Variants in ADPRS observed in about 807,000 individuals in gnomAD.
ADPRS encodes ADP-ribosylserine hydrolase.
ADPRS carries 25 observed loss-of-function variants against 32.1 expected under a neutral mutation model. The ratio of observed to expected loss-of-function variants is 0.78; its 90% CI spans 0.57 to 1.09. The LOEUF is 1.09. Ranked by LOEUF, ADPRS falls within the 50% of genes least tolerant of loss-of-function variation. The pLI is 0.00. For synonymous variants in ADPRS, 225 were observed against 201.0 expected (o/e 1.12, Z -1.01); for missense variants, 482 against 480.6 (o/e 1.00, Z -0.03).
Position 36,088,991 on chromosome 1 carries a change from C to T in ADPRS, c.87C>T (p.Gly29=), listed in dbSNP as rs924912357. The change falls in exon 1 of 6, where the codon GGC becomes GGT. Residue 29 remains glycine (G), a synonymous_variant. Coordinates refer to ENST00000373178, the MANE Select transcript of ADPRS (RefSeq NM_017825.3). ...SLSRFRGCLA[G]ALLGDCVGSF... is the part of the protein sequence containing the mutation. ...CGCGCTTCCGAGGCTGCCTGGCTGG[C>T]GCGCTGCTCGGGGACTGCGTGGGCT... 8 of 1,483,362 alleles carry T rather than the reference C, an allele frequency of 5.4e-6. No homozygotes were observed. The African/African-American group carries it at 7.4e-5, about 14-fold the overall frequency. The allele number at this position is 1,483,362 out of a possible 1,614,324, so 91.9% of individuals were successfully genotyped here.
Position 36,092,146 on chromosome 1 carries a change from G to C in ADPRS, c.701+52G>C, listed in dbSNP as rs568872693. The stretch of plus-strand genomic sequence containing the variant: ...TGTGGGTATGTGGGTGATCCAGGGG[G>C]CCTCTGGCATTGCCGCAAACTGTAA... On this transcript the variant is annotated intron_variant, in intron 4 of 5. Transcript: ENST00000373178. 4 of 1,541,850 alleles carry C rather than the reference G, an allele frequency of 2.6e-6. No homozygotes were observed. The Admixed American group carries it at 6.0e-5, about 23-fold the overall frequency.
rs1239062219 is a variant in ADPRS, at chr1:36,091,945, C to T, written c.552C>T (p.Ser184=). Residue 184 remains serine (S), a synonymous_variant, in exon 4 of 6, where the codon TCC becomes TCT. Transcript: ENST00000373178. ...ARLSAQLTHA[S]SLGYNGAILQ... Reference sequence around the variant, plus strand: ...TCTCGGCCCAGCTGACACACGCCTCCTCCCTGGGTTACAATGGCGCCATCC... The same window carrying T: ...TCTCGGCCCAGCTGACACACGCCTCTTCCCTGGGTTACAATGGCGCCATCC... 1.2e-6 allele frequency: 2 copies of T among 1,611,220 alleles called. No homozygotes were observed. The highest frequency in any genetic ancestry group is 3.3e-5 in the Admixed American group (2 of 59,814).
At chr1:36,091,484 ACAG>A (rs1252408009) in intron 2 of ADPRS, 131 bp from the exon 3 acceptor site, 30 of 1,197,266 alleles carry the variant, frequency 2.5e-5, no homozygotes, top group Middle Eastern at 2.3e-4. Context: ...CCAAGCTAAA[ACAG>A]CAGCACTGCT....
rs750048109 is a variant in ADPRS, at chr1:36,093,357, A to G, written c.1063A>G (p.Ser355Gly). The change falls in exon 6 of 6, where the codon AGC (serine) becomes GGC (glycine). Residue 355 changes from serine to glycine, a missense_variant. Coordinates refer to ENST00000373178, the MANE Select transcript of ADPRS (RefSeq NM_017825.3). ...CGAGGAGACAGACATCCTGGCCCAAAGCCTGCACCGTGTCTTCCAGAAGAG... is the reference window on the plus strand; with the variant it reads ...CGAGGAGACAGACATCCTGGCCCAAGGCCTGCACCGTGTCTTCCAGAAGAG... ...GYEETDILAQ[S>G]LHRVFQKS 6.2e-6 allele frequency: 10 copies of G among 1,614,078 alleles called. No individual in the cohort carries two copies. In the South Asian group the frequency reaches 9.9e-5, roughly 16 times the overall value.
At chr1:36,091,857 C>G (rs1276755902) in intron 3 of ADPRS, 32 bp downstream of exon 3, 1 of 1,586,212 alleles carries the variant, frequency 6.3e-7, no homozygotes, top group South Asian at 1.1e-5. Flanking sequence ...CTGGGCTGTC[C>G]CCTTCCTCTT....
At chr1:36,092,860 G>A (rs186118089) in intron 5 of ADPRS, among the ~76,000 whole-genome samples, 12 of 152,338 alleles carry the variant, frequency 7.9e-5, no homozygotes, top group African/African-American at 2.4e-4. Flanking sequence ...AGTTGCTAAC[G>A]TTACTCCCTG....
chr1:36,091,334 C>T lies in ADPRS; in HGVS notation c.302C>T (p.Ala101Val). The change falls in exon 2 of 6, where the codon GCT becomes GTT. Residue 101 changes from alanine to valine, a missense_variant. Physicochemically the swap from Ala to Val is moderately conservative, Grantham distance 64. Coordinates refer to ENST00000373178, the MANE Select transcript of ADPRS (RefSeq NM_017825.3). ...AKEAFDEVDM[A>V]HRFAQEYKKD... ...GAGGCCTTTGACGAGGTGGACATGGCTCACAGGTGAGGGGGATGGTCCTGG... is the reference window on the plus strand; with the variant it reads ...GAGGCCTTTGACGAGGTGGACATGGTTCACAGGTGAGGGGGATGGTCCTGG... 1 of 1,614,044 alleles carries T rather than the reference C, an allele frequency of 6.2e-7. No individual in the cohort carries two copies. The highest frequency in any genetic ancestry group is 2.2e-5 in the East Asian group (1 of 44,890).
In ADPRS at chr1:36,092,447, T is replaced by C. The variant is rs747763140; in HGVS notation, c.727T>C (p.Ser243Pro). Residue 243 changes from serine to proline, a missense_variant, in exon 5 of 6, where the codon TCC becomes CCC. Transcript: ENST00000373178. ...GTTGGGCATGGAGGAGCGTCCATACTCCAGCCGCCTGAAGAAGATTGGAGA... is the reference window on the plus strand; with the variant it reads ...GTTGGGCATGGAGGAGCGTCCATACCCCAGCCGCCTGAAGAAGATTGGAGA... ...RELGMEERPY[S>P]SRLKKIGELL... 17 of 1,613,994 alleles carry C rather than the reference T, an allele frequency of 1.1e-5. No individual in the cohort carries two copies. Among genetic ancestry groups the C allele is most frequent in the Non-Finnish European group, 1.4e-5 (16 of 1,180,018 alleles).
In ADPRS at chr1:36,089,102, G is replaced by T; in HGVS notation, c.198G>T (p.Gly66=). ...TGGAGCCGGACCCCGGCACGCCCGG[G>T]AGTGAGCGGACAGGTGGGCGGGGCC... ...QSLEPDPGTP[G]SERTEALYYT... The change falls in exon 1 of 6, where the codon GGG becomes GGT. Residue 66 remains glycine (G), a synonymous_variant. Transcript: ENST00000373178. The T allele has an allele frequency of 7.0e-7, 1 of 1,424,240 alleles. No individual in the cohort carries two copies. The highest frequency in any genetic ancestry group is 1.5e-5 in the South Asian group (1 of 64,714). The allele number at this position is 1,424,240 out of a possible 1,614,324, so 88.2% of individuals were successfully genotyped here. A position where few individuals can be genotyped will look rare whatever the true frequency, so the allele number is the denominator to read the frequency against.
At position 36,088,935 on chromosome 1, in the gene ADPRS, G is replaced by A. The variant is rs770204381; in HGVS notation, c.31G>A (p.Gly11Ser). Residue 11 changes from glycine to serine, a missense_variant, in exon 1 of 6, where the codon GGT (glycine) becomes AGT (serine). Coordinates refer to ENST00000373178, the MANE Select transcript of ADPRS (RefSeq NM_017825.3). Reference sequence around the variant, plus strand: ...CGCAGCGGCGATGGCGGCAGCGGCAGGTGGAGGGGCTGGCGCGGCCCGCTC... The same window carrying A: ...CGCAGCGGCGATGGCGGCAGCGGCAAGTGGAGGGGCTGGCGCGGCCCGCTC... MAAAAMAAAA[G>S]GGAGAARSLS... 2.0e-6 allele frequency: 3 copies of A among 1,525,164 alleles called. No homozygotes were observed. Among genetic ancestry groups the A allele is most frequent in the Non-Finnish European group, 2.6e-6 (3 of 1,141,316 alleles). The allele number at this position is 1,525,164 out of a possible 1,614,324, so 94.5% of individuals were successfully genotyped here.
Position 36,091,700 on chromosome 1 carries a change from A to C in ADPRS, c.391A>C (p.Lys131Gln), listed in dbSNP as rs765598630. 2.5e-6 allele frequency: 4 copies of C among 1,613,912 alleles called. No homozygotes were observed. In the South Asian group the frequency reaches 3.3e-5, roughly 13 times the overall value. The change falls in exon 3 of 6, where the codon AAA (lysine) becomes CAA (glutamine). Residue 131 changes from lysine to glutamine, a missense_variant. Coordinates refer to ENST00000373178, the MANE Select transcript of ADPRS (RefSeq NM_017825.3). ...VTVFKKLLNPKCRDVFEPARA... is the reference protein window; with the variant it reads ...VTVFKKLLNPQCRDVFEPARA... ...TGTCTTCAAGAAGCTCCTGAACCCCAAATGTCGCGATGTCTTTGAGCCTGC... is the reference window on the plus strand; with the variant it reads ...TGTCTTCAAGAAGCTCCTGAACCCCCAATGTCGCGATGTCTTTGAGCCTGC...
Position 36,088,930 on chromosome 1 carries a change from C to T in ADPRS, c.26C>T (p.Ala9Val), listed in dbSNP as rs777166159. Reference protein sequence around the residue: MAAAAMAAAAGGGAGAARS... With the variant: MAAAAMAAVAGGGAGAARS... ...ATGGCCGCAGCGGCGATGGCGGCAG[C>T]GGCAGGTGGAGGGGCTGGCGCGGCC... The change falls in exon 1 of 6, where the codon GCG (alanine) becomes GTG (valine). Residue 9 changes from alanine to valine, a missense_variant. Coordinates refer to ENST00000373178, the MANE Select transcript of ADPRS (RefSeq NM_017825.3). The T allele has an allele frequency of 5.9e-6, 9 of 1,525,758 alleles. No individual in the cohort carries two copies. The highest frequency in any genetic ancestry group is 4.3e-5 in the African/African-American group (3 of 70,294). The allele number at this position is 1,525,758 out of a possible 1,614,324, so 94.5% of individuals were successfully genotyped here.
At chr1:36,090,475 T>G (rs1170182950) in intron 1 of ADPRS, among the ~76,000 whole-genome samples, 1 of 152,028 alleles carries the variant, frequency 6.6e-6, no homozygotes, top group Non-Finnish European at 1.5e-5. Context: ...GAAAATCCCA[T>G]TGCTGAGATC....
rs975839382 is a variant in ADPRS at position 36,091,437 on chromosome 1, C to T, written c.308+97C>T. On this transcript the variant is annotated intron_variant, in intron 2 of 5. Transcript: ENST00000373178. ...CATTTGTGCATGTCCACGCCCCCAA[C>T]CCTCCACAGAAGCCTGTGTCAGGCT... 3.3e-4 allele frequency: 437 copies of T among 1,305,986 alleles called. 1 individual carries two copies. Among genetic ancestry groups the T allele is most frequent in the Non-Finnish European group, 7.7e-5 (71 of 922,918 alleles). The allele number at this position is 1,305,986 out of a possible 1,614,324, so 80.9% of individuals were successfully genotyped here.
At chr1:36,092,556 T>A in intron 5 of ADPRS, 34 bp downstream of exon 5, 1 of 1,603,698 alleles carries the variant, frequency 6.2e-7, no homozygotes, top group Non-Finnish European at 8.5e-7. Flanking sequence ...TCTCTCCCTC[T>A]GTCGTCCTTC....
rs1421256237 is a variant in ADPRS, at chr1:36,088,956, C to G, written c.52C>G (p.Arg18Gly). 6 of 1,508,196 alleles carry G rather than the reference C, an allele frequency of 4.0e-6. No homozygotes were observed. The highest frequency in any genetic ancestry group is 1.3e-5 in the South Asian group (1 of 79,720). 93.4% of individuals were successfully genotyped at this position (1,508,196 alleles called of 1,614,324 possible). ...GGCAGGTGGAGGGGCTGGCGCGGCC[C>G]GCTCCCTCTCGCGCTTCCGAGGCTG... ...AAAGGGAGAA[R>G]SLSRFRGCLA... is the part of the protein sequence containing the mutation. The change falls in exon 1 of 6, where the codon CGC becomes GGC. Residue 18 changes from arginine to glycine, a missense_variant. Physicochemically the swap from Arg to Gly is moderately radical, Grantham distance 125. Transcript: ENST00000373178.
rs746701293 is a variant in ADPRS, at chr1:36,093,795, C to G, written c.*409C>G. The G allele has an allele frequency of 5.7e-6, 1 of 176,102 alleles. No individual in the cohort carries two copies. The highest frequency in any genetic ancestry group is 1.2e-5 in the Non-Finnish European group (1 of 81,760). The allele number at this position is 176,102 out of a possible 1,614,324, so 10.9% of individuals were successfully genotyped here. ...CCAGCAAGCGCATCCTAGCAGGGTC[C>G]CCGAGCAGCAGGTTGTGTGGATGAA... On this transcript the variant is annotated 3_prime_UTR_variant, in exon 6 of 6. Transcript: ENST00000373178.
chr1:36,089,498 GA>G (rs1241959662), intron 1 of ADPRS, among the ~76,000 whole-genome samples: 1 of 152,132 alleles, frequency 6.6e-6, no homozygotes, highest in Non-Finnish European at 1.5e-5. Flanking sequence ...TCAGAAAGCC[GA>G]AAAAAACTTA....
intron 2 of ADPRS, 109 bp downstream of exon 2, chr1:36,091,449 G>A (rs762554794): frequency 4.1e-5 from 52 of 1,263,102 alleles, no homozygotes; most frequent in Non-Finnish European, 5.0e-5. Flanking sequence ...CTCCACAGAA[G>A]CCTGTGTCAG....
Sources: allele counts gnomAD v4.1 joint callset (sites outside exome capture counted in the v4.1 genomes callset), GRCh38; gene constraint gnomAD v4.1.1; transcripts MANE v1.5; gene names NCBI Gene and HGNC (gene_info 2026-07-23, HGNC 2026-07-21).